M1AP: variants seen among roughly 807,000 people sequenced by gnomAD.
M1AP encodes meiosis 1 arrest protein.
M1AP carries 39 observed loss-of-function variants against 51.2 expected under a neutral mutation model. The observed-to-expected ratio is 0.76, with a 90% confidence interval of 0.59 to 1.00. The LOEUF (loss-of-function observed/expected upper bound fraction) is 1.00. Among genes scored for constraint, M1AP ranks in the 50% least tolerant of loss-of-function variants. M1AP has a pLI of 0.00. For synonymous variants in M1AP, 251 were observed against 249.2 expected, an observed-to-expected ratio of 1.01 and a Z score of -0.07; for missense variants, 545 against 641.2, an observed-to-expected ratio of 0.85 and a Z score of 1.62.
chr2:74,574,871 T>C (rs542051127), intron 7 of M1AP, among the ~76,000 whole-genome samples: 1 of 152,344 alleles, frequency 6.6e-6, no homozygotes, highest in South Asian at 2.1e-4. Flanking sequence ...ACCTGGTTAA[T>C]TCTCACTTAT....
Position 74,575,171 on chromosome 2 carries a change from T to G in M1AP, c.1074+267A>C. Reference sequence around the variant, plus strand: ...TTAAAATACAGGTACGTACGGAAAATTCCCTGTTGCCATTTAAATGTTAAG... The same window carrying G: ...TTAAAATACAGGTACGTACGGAAAAGTCCCTGTTGCCATTTAAATGTTAAG... On this transcript the variant is annotated intron_variant, in intron 7 of 10. Transcript: ENST00000421985. 3 of 448,836 alleles carry G rather than the reference T, an allele frequency of 6.7e-6. No homozygotes were observed. In the South Asian group the frequency reaches 2.8e-4, roughly 43 times the overall value. The allele number at this position is 448,836 out of a possible 1,614,324, so 27.8% of individuals were successfully genotyped here. A position where few individuals can be genotyped will look rare whatever the true frequency, so the allele number is the denominator to read the frequency against.
intron 7 of M1AP, among the ~76,000 whole-genome samples, chr2:74,568,740 G>T (rs1678542118): frequency 6.6e-6 from 1 of 152,198 alleles, no homozygotes; most frequent in African/African-American, 2.4e-5. Context: ...GTGATTAGAG[G>T]TGGGACCTTC....
chr2:74,576,965 C>G (rs1326519480), intron 5 of M1AP: 29 of 1,046,408 alleles, frequency 2.8e-5, no homozygotes, highest in Non-Finnish European at 3.0e-5. Context: ...AACATGTATC[C>G]TCTGTGGAGG....
intron 4 of M1AP, among the ~76,000 whole-genome samples, chr2:74,595,136 C>T (rs1472786739): frequency 6.6e-6 from 1 of 152,112 alleles, no homozygotes; most frequent in African/African-American, 2.4e-5. Flanking sequence ...CCACCTTAGC[C>T]TTCCAAGTAG....
chr2:74,563,143 G>A (rs1368393881), intron 7 of M1AP, among the ~76,000 whole-genome samples: 3 of 152,158 alleles, frequency 2.0e-5, no homozygotes, highest in Non-Finnish European at 4.4e-5. Context: ...CACTTTGGGA[G>A]GCCAAGCCAG....
chr2:74,648,177 C>T, intron 1 of M1AP, 88 bp downstream of exon 1: 1 of 957,642 alleles, frequency 1.0e-6, no homozygotes, highest in Non-Finnish European at 1.2e-6. Flanking sequence ...AGGACTGGCC[C>T]GAGCTCGGCC....
intron 7 of M1AP, chr2:74,575,161 G>A (rs1205799192): frequency 1.2e-5 from 4 of 326,160 alleles, no homozygotes; most frequent in African/African-American, 2.2e-5. Flanking sequence ...ATACAGGTAC[G>A]TACGGAAAAT....
chr2:74,576,642 T>G, intron 5 of M1AP, 24 bp from the exon 6 acceptor site: 1 of 1,612,118 alleles, frequency 6.2e-7, no homozygotes, highest in Non-Finnish European at 8.5e-7. Context: ...AGATTACATT[T>G]CAGACACACT....
At chr2:74,587,768 G>A (rs1679799902) in intron 4 of M1AP, among the ~76,000 whole-genome samples, 1 of 152,134 alleles carries the variant, frequency 6.6e-6, no homozygotes, top group Non-Finnish European at 1.5e-5. Context: ...GGCCCTTAGT[G>A]TTTGGATAGT....
At chr2:74,583,218 C>G (rs954199697) in intron 4 of M1AP, among the ~76,000 whole-genome samples, 1 of 152,062 alleles carries the variant, frequency 6.6e-6, no homozygotes. Context: ...TGTTCTATTA[C>G]TACTTGTTAT....
intron 9 of M1AP, 105 bp downstream of exon 9, chr2:74,560,046 T>G: frequency 7.9e-7 from 1 of 1,271,156 alleles, no homozygotes; most frequent in Non-Finnish European, 1.1e-6. Flanking sequence ...GCTACTCCCT[T>G]GGATGGGGGC....
intron 4 of M1AP, among the ~76,000 whole-genome samples, chr2:74,606,039 T>C (rs1680969671): frequency 6.6e-6 from 1 of 152,200 alleles, no homozygotes; most frequent in African/African-American, 2.4e-5. Flanking sequence ...CACAGGTGTC[T>C]AGGCTTCTGC....
chr2:74,588,638 T>C lies in M1AP; in HGVS notation c.596-6791A>G, dbSNP rs10187581. ...GACCCTAGGAAAAAGGAGAAGCCCCTTGAAAAGAGTTGGCAGGGGTGGTGG... is the reference window on the plus strand; with the variant it reads ...GACCCTAGGAAAAAGGAGAAGCCCCCTGAAAAGAGTTGGCAGGGGTGGTGG... On this transcript the variant is annotated intron_variant, in intron 4 of 10. Coordinates refer to ENST00000421985, the MANE Select transcript of M1AP (RefSeq NM_001321739.2). Among the ~76,000 whole-genome samples the C allele has an allele frequency of 2.5e-3, 384 of 152,296 alleles. 2 individuals are homozygous for C. The highest frequency in any genetic ancestry group is 8.9e-3 in the African/African-American group (369 of 41,574).
At chr2:74,641,385 G>C (rs1253961188) in intron 1 of M1AP, among the ~76,000 whole-genome samples, 3 of 152,176 alleles carry the variant, frequency 2.0e-5, no homozygotes, top group Admixed American at 2.0e-4. Flanking sequence ...ATGAGAAAGG[G>C]ACATCATCAC....
chr2:74,615,288 T>G, intron 2 of M1AP, 139 bp from the exon 3 acceptor site: 1 of 746,330 alleles, frequency 1.3e-6, no homozygotes, highest in Non-Finnish European at 2.2e-6. Context: ...TCTACTGAAT[T>G]CCTATTGTGT....
intron 2 of M1AP, 128 bp downstream of exon 2, chr2:74,639,908 G>C (rs1421917712): frequency 1.3e-5 from 10 of 797,810 alleles, no homozygotes; most frequent in Non-Finnish European, 2.0e-5. Flanking sequence ...GGTGTTACTC[G>C]GGGGCTACTG....
At chr2:74,645,629 A>G (rs1033676832) in intron 1 of M1AP, among the ~76,000 whole-genome samples, 1 of 152,196 alleles carries the variant, frequency 6.6e-6, no homozygotes, top group African/African-American at 2.4e-5. Context: ...GGAAGTTACC[A>G]TGCTTTTCCT....
intron 4 of M1AP, among the ~76,000 whole-genome samples, chr2:74,588,409 C>A (rs363686): frequency 0.011 from 1,716 of 152,308 alleles, 22 homozygotes; most frequent in African/African-American, 0.026. Flanking sequence ...TGTCTACTCT[C>A]TGAATACAGG....
At chr2:74,571,153 A>G (rs1394893960) in intron 7 of M1AP, among the ~76,000 whole-genome samples, 1 of 152,192 alleles carries the variant, frequency 6.6e-6, no homozygotes, top group Non-Finnish European at 1.5e-5. Context: ...GGAGGCAGGG[A>G]AGCCAGTTAG....
Sources: allele counts gnomAD v4.1 joint callset (sites outside exome capture counted in the v4.1 genomes callset), GRCh38; gene constraint gnomAD v4.1.1; transcripts MANE v1.5; gene names NCBI Gene and HGNC (gene_info 2026-07-23, HGNC 2026-07-21).